MOB3B: variants seen among roughly 807,000 people sequenced by gnomAD.
The protein encoded by MOB3B is MOB kinase activator 3B.
MOB3B carries 7 observed loss-of-function variants against 18.7 expected under a neutral mutation model. That is an observed-to-expected ratio of 0.37 (90% CI 0.21 to 0.70). The LOEUF (loss-of-function observed/expected upper bound fraction) is 0.70, where lower values mean the gene tolerates loss of function less well. Ranked by LOEUF, MOB3B falls within the 30% of genes least tolerant of loss-of-function variation. The probability of loss-of-function intolerance (pLI) is 0.52; values close to 1 mark genes in which losing one functional copy is unlikely to be tolerated. For synonymous variants in MOB3B, 111 were observed against 99.9 expected (o/e 1.11, Z -0.66); for missense variants, 253 against 281.3 (o/e 0.90, Z 0.72).
At chr9:27,338,321 C>T (rs1820891754) in intron 3 of MOB3B, among the ~76,000 whole-genome samples, 1 of 152,146 alleles carries the variant, frequency 6.6e-6, no homozygotes, top group South Asian at 2.1e-4. Context: ...AGCTTACAAG[C>T]CACGTAGGTG....
intron 1 of MOB3B, among the ~76,000 whole-genome samples, chr9:27,501,177 G>A (rs2131494782): frequency 6.6e-6 from 1 of 152,298 alleles, no homozygotes; most frequent in East Asian, 1.9e-4. Flanking sequence ...TTCAACAATT[G>A]TGGAAGACAG....
At chr9:27,471,780 C>A (rs1819476035) in intron 1 of MOB3B, among the ~76,000 whole-genome samples, 1 of 152,214 alleles carries the variant, frequency 6.6e-6, no homozygotes, top group African/African-American at 2.4e-5. Flanking sequence ...ATACATATGT[C>A]TCCCTCCTTC....
intron 2 of MOB3B, among the ~76,000 whole-genome samples, chr9:27,365,162 CA>C (rs61043046): frequency 1.7e-3 from 188 of 109,696 alleles, no homozygotes; most frequent in Middle Eastern, 5.0e-3. Flanking sequence ...TTGGGGGAGG[CA>C]AAAAAAAAAA....
chr9:27,418,091 C>CAAAAAAAA (rs57850999), intron 2 of MOB3B, among the ~76,000 whole-genome samples: 704 of 43,986 alleles, frequency 0.016, 61 homozygotes, highest in East Asian at 0.021. Flanking sequence ...GACTCCACCT[C>CAAAAAAAA]AAAAAAAAAA....
chr9:27,406,853 T>C (rs911366000), intron 2 of MOB3B, among the ~76,000 whole-genome samples: 1 of 152,146 alleles, frequency 6.6e-6, no homozygotes, highest in Non-Finnish European at 1.5e-5. Context: ...TTCTTTTTTT[T>C]TTTTAGATGG....
At position 27,417,472 on chromosome 9, in the gene MOB3B, T is replaced by C. The variant is rs1429080010; in HGVS notation, c.418+37661A>G. ...AAAGAGAGACACCCTGTGCTTTAAA[T>C]GGAACAATAAAGTTTCCTTTGAGTG... On this transcript the variant is annotated intron_variant, in intron 2 of 3. Transcript: ENST00000262244. 2.0e-5 allele frequency among the ~76,000 whole-genome samples: 3 copies of C among 152,200 alleles called. No homozygotes were observed. The East Asian group carries it at 5.8e-4, about 29-fold the overall frequency.
intron 1 of MOB3B, among the ~76,000 whole-genome samples, chr9:27,470,558 C>G (rs1819456127): frequency 6.6e-6 from 1 of 152,208 alleles, no homozygotes; most frequent in Admixed American, 6.5e-5. Flanking sequence ...CTCCAAAGCT[C>G]TGAATCTGTA....
At chr9:27,365,364 CTTT>C (rs55691019) in intron 2 of MOB3B, among the ~76,000 whole-genome samples, 4 of 116,490 alleles carry the variant, frequency 3.4e-5, no homozygotes, top group Non-Finnish European at 3.4e-5. Context: ...TCCTTCTTCT[CTTT>C]TTTTTTTTTT....
chr9:27,396,137 C>T (rs1472782415), intron 2 of MOB3B, among the ~76,000 whole-genome samples: 1 of 152,180 alleles, frequency 6.6e-6, no homozygotes, highest in Non-Finnish European at 1.5e-5. Context: ...TCCTGATACA[C>T]TTTCCCTACA....
At chr9:27,518,418 C>T (rs968007152) in intron 1 of MOB3B, among the ~76,000 whole-genome samples, 1 of 152,210 alleles carries the variant, frequency 6.6e-6, no homozygotes, top group Non-Finnish European at 1.5e-5. Flanking sequence ...CTAACATCCT[C>T]AGAAGTAAAA....
At chr9:27,527,399 G>A (rs1820451629) in intron 1 of MOB3B, among the ~76,000 whole-genome samples, 1 of 152,110 alleles carries the variant, frequency 6.6e-6, no homozygotes, top group Admixed American at 6.6e-5. Context: ...CCGTTGGGAA[G>A]GTAAAGAGAT....
chr9:27,504,401 A>G (rs952645548), intron 1 of MOB3B, among the ~76,000 whole-genome samples: 1 of 152,248 alleles, frequency 6.6e-6, no homozygotes, highest in East Asian at 1.9e-4. Flanking sequence ...AAGATATTAT[A>G]GTAGTAACTG....
chr9:27,522,426 T>TAC (rs2131508796), intron 1 of MOB3B, among the ~76,000 whole-genome samples: 1 of 112,450 alleles, frequency 8.9e-6, no homozygotes, highest in East Asian at 2.0e-4. Context: ...TTTTCATATA[T>TAC]ATATATATAT....
At chr9:27,528,686 G>A (rs1820479319) in intron 1 of MOB3B, among the ~76,000 whole-genome samples, 1 of 152,158 alleles carries the variant, frequency 6.6e-6, no homozygotes, top group Admixed American at 6.5e-5. Context: ...GGGGAAACGC[G>A]GAGAAACAAA....
At chr9:27,448,818 C>T (rs1245813533) in intron 2 of MOB3B, among the ~76,000 whole-genome samples, 1 of 152,152 alleles carries the variant, frequency 6.6e-6, no homozygotes, top group African/African-American at 2.4e-5. Context: ...CTTGGAAAAA[C>T]TTGCCAGTGC....
intron 1 of MOB3B, among the ~76,000 whole-genome samples, chr9:27,506,926 T>C (rs1403165526): frequency 1.3e-5 from 2 of 149,756 alleles, no homozygotes; most frequent in Non-Finnish European, 3.0e-5. Flanking sequence ...ATGATCCACC[T>C]GCCTTGGCCT....
At chr9:27,387,718 G>T (rs1489599166) in intron 2 of MOB3B, among the ~76,000 whole-genome samples, 1 of 152,128 alleles carries the variant, frequency 6.6e-6, no homozygotes, top group East Asian at 1.9e-4. Context: ...TTTAGAAAAT[G>T]GTTAGAGTTA....
At chr9:27,341,153 A>G (rs763653568) in intron 3 of MOB3B, among the ~76,000 whole-genome samples, 4 of 152,240 alleles carry the variant, frequency 2.6e-5, no homozygotes, top group Non-Finnish European at 5.9e-5. Context: ...TGAAGCAGAG[A>G]GTACCGGAAA....
intron 1 of MOB3B, among the ~76,000 whole-genome samples, chr9:27,470,592 T>C (rs59917674): frequency 1.3e-5 from 2 of 152,278 alleles, no homozygotes; most frequent in African/African-American, 4.8e-5. Flanking sequence ...ATCTAAACAG[T>C]CCGATTTGTT....
Sources: gnomAD v4.1 joint callset for allele counts (sites outside exome capture counted in the v4.1 genomes callset) on GRCh38, gnomAD v4.1.1 for gene constraint, MANE v1.5 for transcripts, NCBI Gene and HGNC (gene_info 2026-07-23, HGNC 2026-07-21) for gene names.